MMP26: variants seen among roughly 807,000 people sequenced by gnomAD.
MMP26 encodes the protein matrix metallopeptidase 26.
Under a neutral mutation model 31.0 loss-of-function variants are expected in MMP26, and 33 were observed. That is an observed-to-expected ratio of 1.06 (90% CI 0.81 to 1.42). The LOEUF is 1.42. Among genes scored for constraint, MMP26 ranks in the 40% most tolerant of loss-of-function variants. MMP26 has a pLI of 0.00. For missense variants in MMP26, 347 were observed against 316.1 expected, an observed-to-expected ratio of 1.10 and a Z score of -0.74; for synonymous variants, 122 against 114.9, an observed-to-expected ratio of 1.06 and a Z score of -0.40.
At chr11:4,901,966 T>C (rs897056556) in intron 2 of MMP26, among the ~76,000 whole-genome samples, 2 of 152,182 alleles carry the variant, frequency 1.3e-5, no homozygotes, top group Non-Finnish European at 2.9e-5. Context: ...TACTTGATAA[T>C]CGAATCCAGG....
chr11:4,746,933 T>G (rs1480872273), intron 1 of MMP26, among the ~76,000 whole-genome samples: 2 of 151,876 alleles, frequency 1.3e-5, no homozygotes, highest in African/African-American at 2.4e-5. Flanking sequence ...CACAAAACTT[T>G]GAGCTGGATG....
At chr11:4,975,660 G>T (rs1024443972) in intron 2 of MMP26, among the ~76,000 whole-genome samples, 1 of 151,964 alleles carries the variant, frequency 6.6e-6, no homozygotes. Flanking sequence ...CATGGCTTTT[G>T]TATGAAACAC....
At chr11:4,824,680 T>G (rs1420194277) in intron 2 of MMP26, among the ~76,000 whole-genome samples, 2 of 152,130 alleles carry the variant, frequency 1.3e-5, no homozygotes, top group African/African-American at 4.8e-5. Flanking sequence ...TCCCTGATAT[T>G]TCTATAGTCC....
chr11:4,890,377 C>A, intron 2 of MMP26: 1 of 174,472 alleles, frequency 5.7e-6, no homozygotes, highest in South Asian at 1.4e-4. Context: ...AGGGACAGGC[C>A]CAGATCAGAG....
intron 2 of MMP26, among the ~76,000 whole-genome samples, chr11:4,868,160 C>T (rs1316141575): frequency 6.6e-6 from 1 of 152,040 alleles, no homozygotes; most frequent in Non-Finnish European, 1.5e-5. Context: ...AAACAAATAC[C>T]ACTTGTTCTT....
chr11:4,968,214 T>G (rs1846621121), intron 2 of MMP26, among the ~76,000 whole-genome samples: 1 of 152,158 alleles, frequency 6.6e-6, no homozygotes, highest in Admixed American at 6.5e-5. Flanking sequence ...TTCACAAATT[T>G]CTATTAACTT....
In MMP26 at chr11:4,990,672, G is replaced by C; in HGVS notation, c.395G>C (p.Ser132Thr). 1.2e-6 allele frequency: 2 copies of C among 1,614,124 alleles called. No individual in the cohort carries two copies. Among genetic ancestry groups the C allele is most frequent in the Non-Finnish European group, 1.7e-6 (2 of 1,179,996 alleles). ...ATATATAATGCAGTTTCCATCTGGA[G>C]CAATGTGACCCCTTTGATATTCCAG... is the stretch of plus-strand genomic sequence containing the variant. ...DSIYNAVSIW[S>T]NVTPLIFQQV... The change falls in exon 5 of 8, where the codon AGC becomes ACC. Residue 132 changes from serine (S) to threonine (T), a missense_variant. Physicochemically the swap from Ser to Thr is moderately conservative, Grantham distance 58. Transcript: ENST00000380390.
At chr11:4,800,044 A>G (rs1234592566) in intron 2 of MMP26, among the ~76,000 whole-genome samples, 3 of 152,170 alleles carry the variant, frequency 2.0e-5, no homozygotes, top group African/African-American at 7.2e-5. Flanking sequence ...CTCAGGATGC[A>G]AGCTACTGTT....
At chr11:4,889,054 C>T (rs148096433) in intron 2 of MMP26, among the ~76,000 whole-genome samples, 10 of 152,154 alleles carry the variant, frequency 6.6e-5, no homozygotes, top group African/African-American at 4.8e-5. Context: ...TCATGATTTC[C>T]GTAACATTCT....
At chr11:4,941,172 A>C (rs1846200291) in intron 2 of MMP26, among the ~76,000 whole-genome samples, 2 of 152,232 alleles carry the variant, frequency 1.3e-5, no homozygotes, top group Non-Finnish European at 2.9e-5. Context: ...TTATCCAATC[A>C]ATAGAATCAG....
intron 2 of MMP26, among the ~76,000 whole-genome samples, chr11:4,842,019 A>G (rs1849803797): frequency 6.6e-6 from 1 of 152,324 alleles, no homozygotes; most frequent in South Asian, 2.1e-4. Context: ...GTCATTGGCA[A>G]TAGTAAGTAC....
intron 4 of MMP26, among the ~76,000 whole-genome samples, chr11:4,990,147 C>A (rs143526978): frequency 1.6e-3 from 241 of 152,202 alleles, no homozygotes; most frequent in African/African-American, 5.3e-3. Flanking sequence ...TTCTAAGGTA[C>A]AATTTTGAAA....
chr11:4,881,159 A>T (rs770836824), intron 2 of MMP26, among the ~76,000 whole-genome samples: 8 of 152,138 alleles, frequency 5.3e-5, no homozygotes, highest in Non-Finnish European at 1.0e-4. Flanking sequence ...TCCAGAGTGT[A>T]TGACCTCACA....
At chr11:4,848,484 C>A (rs1477054060) in intron 2 of MMP26, 1 of 1,613,548 alleles carries the variant, frequency 6.2e-7, no homozygotes, top group Non-Finnish European at 8.5e-7. Context: ...ACCAGCCTTC[C>A]AGCGATCCTC....
chr11:4,843,695 G>A (rs1017670898), intron 2 of MMP26, among the ~76,000 whole-genome samples: 1 of 152,238 alleles, frequency 6.6e-6, no homozygotes, highest in African/African-American at 2.4e-5. Context: ...CCCCATTGTG[G>A]TGGCTATTAA....
In MMP26 at chr11:4,865,601, CCTCCTT is replaced by C. The variant is rs533690475; in HGVS notation, c.-145+98263_-145+98268del. Among the ~76,000 whole-genome samples the C allele has an allele frequency of 1.2e-3, 181 of 152,238 alleles. 1 individual carries two copies. The highest frequency in any genetic ancestry group is 4.1e-3 in the African/African-American group (170 of 41,558). ...TCTTCTTCTTCCTCCTCCTCCTCCT[CCTCCTT>C]CTTCTTATTTTTGTTCTTCTTCGCA... On this transcript the variant is annotated intron_variant, in intron 2 of 7. Coordinates refer to ENST00000380390, the MANE Select transcript of MMP26 (RefSeq NM_021801.5).
At chr11:4,815,735 A>G (rs1849411809) in intron 2 of MMP26, among the ~76,000 whole-genome samples, 1 of 152,190 alleles carries the variant, frequency 6.6e-6, no homozygotes, top group Admixed American at 6.5e-5. Flanking sequence ...CTACTTATGG[A>G]TGCTATGTAA....
Position 4,722,921 on chromosome 11 carries a change from C to A in MMP26, c.-217+17876C>A, listed in dbSNP as rs576427069. The A allele has an allele frequency of 3.1e-5, 24 of 785,748 alleles. No individual in the cohort carries two copies. In the East Asian group the frequency reaches 5.3e-4, roughly 17 times the overall value. The allele number at this position is 785,748 out of a possible 1,614,324, so 48.7% of individuals were successfully genotyped here. On this transcript the variant is annotated intron_variant, in intron 1 of 7. Transcript: ENST00000380390. ...GAGGCCCCCATAGGCCGAGCTTAGA[C>A]CACCTGCATAGACACTGGTGGTCTT...
At chr11:4,753,839 T>G (rs540777260) in intron 1 of MMP26, among the ~76,000 whole-genome samples, 1 of 152,222 alleles carries the variant, frequency 6.6e-6, no homozygotes, top group East Asian at 1.9e-4. Context: ...AAGCTTGATA[T>G]TCTTCTTAGT....
Sources: gnomAD v4.1 joint callset for allele counts (sites outside exome capture counted in the v4.1 genomes callset) on GRCh38, gnomAD v4.1.1 for gene constraint, MANE v1.5 for transcripts, NCBI Gene and HGNC (gene_info 2026-07-23, HGNC 2026-07-21) for gene names.